The following ST6GALNAC5 variants were observed in gnomAD, a reference collection of about 807,000 sequenced individuals.
ST6GALNAC5 encodes ST6 N-acetylgalactosaminide alpha-2,6-sialyltransferase 5, also known as alpha-N-acetylgalactosaminide alpha-2,6-sialyltransferase 5.
Under a neutral mutation model 33.6 loss-of-function variants are expected in ST6GALNAC5, and 27 were observed. The ratio of observed to expected loss-of-function variants is 0.80; its 90% confidence interval spans 0.59 to 1.11. ST6GALNAC5 has a LOEUF of 1.11. Ranked by LOEUF, ST6GALNAC5 falls within the 50% of genes least tolerant of loss-of-function variation. The pLI, the probability that ST6GALNAC5 is intolerant of heterozygous loss-of-function variation, is 0.00. For missense variants in ST6GALNAC5, 428 were observed against 454.0 expected, an observed-to-expected ratio of 0.94 and a Z score of 0.52; for synonymous variants, 194 against 171.2, an observed-to-expected ratio of 1.13 and a Z score of -1.04.
intron 2 of ST6GALNAC5, among the ~76,000 whole-genome samples, chr1:76,871,055 T>C (rs900280845): frequency 2.0e-5 from 3 of 152,250 alleles, no homozygotes; most frequent in Non-Finnish European, 4.4e-5. Context: ...GTGTAAAATG[T>C]TGTTTATGTT....
chr1:77,016,519 C>T (rs1337060490), intron 2 of ST6GALNAC5, among the ~76,000 whole-genome samples: 1 of 151,696 alleles, frequency 6.6e-6, no homozygotes, highest in Non-Finnish European at 1.5e-5. Flanking sequence ...ACTCAAACAT[C>T]CCCCAACCCC....
intron 2 of ST6GALNAC5, among the ~76,000 whole-genome samples, chr1:76,965,212 A>AC (rs1479374729): frequency 6.7e-4 from 72 of 107,882 alleles, no homozygotes; most frequent in Admixed American, 9.9e-4. Context: ...GAATTAGTTT[A>AC]CCACCCCCCC....
At chr1:76,952,218 A>T (rs183481458) in intron 2 of ST6GALNAC5, among the ~76,000 whole-genome samples, 1 of 152,058 alleles carries the variant, frequency 6.6e-6, no homozygotes, top group Non-Finnish European at 1.5e-5. Context: ...CCAGCTCCCA[A>T]TGAGATATCA....
intron 2 of ST6GALNAC5, among the ~76,000 whole-genome samples, chr1:77,036,217 A>G (rs971507304): frequency 3.3e-5 from 5 of 152,244 alleles, no homozygotes; most frequent in East Asian, 1.9e-4. Flanking sequence ...GAAAAGGCCA[A>G]TCTTTAGAGA....
At chr1:76,948,214 C>T (rs1647599298) in intron 2 of ST6GALNAC5, among the ~76,000 whole-genome samples, 1 of 152,140 alleles carries the variant, frequency 6.6e-6, no homozygotes, top group South Asian at 2.1e-4. Flanking sequence ...CCCACCTTTG[C>T]ATGCATCAGG....
chr1:76,873,673 A>G (rs74089802), intron 2 of ST6GALNAC5, among the ~76,000 whole-genome samples: 5,537 of 152,318 alleles, frequency 0.036, 220 homozygotes, highest in African/African-American at 0.1. Flanking sequence ...AGAGGAGGAA[A>G]TGATTTAAGA....
chr1:76,885,828 G>A (rs1653880474), intron 2 of ST6GALNAC5, among the ~76,000 whole-genome samples: 1 of 152,142 alleles, frequency 6.6e-6, no homozygotes, highest in Non-Finnish European at 1.5e-5. Context: ...GACACAGAAT[G>A]TGTTCAGGCA....
intron 2 of ST6GALNAC5, among the ~76,000 whole-genome samples, chr1:76,980,145 A>G (rs1168189778): frequency 6.6e-6 from 1 of 152,148 alleles, no homozygotes; most frequent in Non-Finnish European, 1.5e-5. Flanking sequence ...TTATTAATAT[A>G]CATGTTTCTA....
chr1:76,931,436 C>T (rs975184694), intron 2 of ST6GALNAC5, among the ~76,000 whole-genome samples: 1 of 152,060 alleles, frequency 6.6e-6, no homozygotes, highest in Non-Finnish European at 1.5e-5. Flanking sequence ...GGCATTTTTA[C>T]TTTCCCAAAT....
Position 77,044,285 on chromosome 1 carries a change from GA to G in ST6GALNAC5, c.344del (p.Asp115AlafsTer9). 6.2e-7 allele frequency: 1 copy of G among 1,613,944 alleles called. No individual in the cohort carries two copies. The highest frequency in any genetic ancestry group is 8.5e-7 in the Non-Finnish European group (1 of 1,180,036). On this transcript the variant is annotated frameshift_variant, in exon 3 of 5. Transcript: ENST00000477717. LOFTEE classifies it high-confidence loss of function. ...LLHSRQGSQI[D>X]QTECVIRMND... Reference sequence around the variant, plus strand: ...GCACAGTCGGCAAGGCTCCCAGATTGACCAGACAGAGTGTGTCATCCGCATG... The same window carrying G: ...GCACAGTCGGCAAGGCTCCCAGATTGCCAGACAGAGTGTGTCATCCGCATG...
chr1:76,897,135 G>C (rs182871086), intron 2 of ST6GALNAC5, among the ~76,000 whole-genome samples: 5,824 of 152,238 alleles, frequency 0.038, 255 homozygotes, highest in African/African-American at 0.11. Flanking sequence ...TGCCTGTGAA[G>C]CTTTGCGGCA....
At chr1:76,896,452 G>C (rs1249542465) in intron 2 of ST6GALNAC5, among the ~76,000 whole-genome samples, 1 of 152,192 alleles carries the variant, frequency 6.6e-6, no homozygotes, top group African/African-American at 2.4e-5. Context: ...AATATGAGAG[G>C]TTCTAAGAGG....
At chr1:76,950,515 T>A (rs951601975) in intron 2 of ST6GALNAC5, among the ~76,000 whole-genome samples, 3 of 152,070 alleles carry the variant, frequency 2.0e-5, no homozygotes, top group Non-Finnish European at 4.4e-5. Context: ...AACTAGTCAC[T>A]ATGATGGAAT....
chr1:76,944,168 A>G (rs1212453361), intron 2 of ST6GALNAC5, among the ~76,000 whole-genome samples: 3 of 152,126 alleles, frequency 2.0e-5, no homozygotes, highest in African/African-American at 7.2e-5. Context: ...CCAGAAACCT[A>G]GAGGAAAATG....
At chr1:77,003,754 T>A (rs1274196909) in intron 2 of ST6GALNAC5, among the ~76,000 whole-genome samples, 3 of 151,474 alleles carry the variant, frequency 2.0e-5, no homozygotes, top group African/African-American at 7.3e-5. Flanking sequence ...CTTATGAAGC[T>A]TAGTTTGGCT....
chr1:76,905,358 GTTC>G (rs1418898359), intron 2 of ST6GALNAC5, among the ~76,000 whole-genome samples: 1 of 152,132 alleles, frequency 6.6e-6, no homozygotes, highest in Admixed American at 6.6e-5. Flanking sequence ...CTGTCCAGCT[GTTC>G]TTCTTAACGT....
chr1:76,914,719 A>G (rs1570668014), intron 2 of ST6GALNAC5, among the ~76,000 whole-genome samples: 1 of 152,126 alleles, frequency 6.6e-6, no homozygotes, highest in African/African-American at 2.4e-5. Context: ...TAAATGTTAG[A>G]CCTAAAACCA....
At chr1:76,959,417 C>A (rs1218409123) in intron 2 of ST6GALNAC5, among the ~76,000 whole-genome samples, 2 of 152,038 alleles carry the variant, frequency 1.3e-5, no homozygotes, top group Non-Finnish European at 2.9e-5. Context: ...TGGAATTATT[C>A]TTTGCTTTGG....
chr1:76,895,806 C>G (rs1027987220), intron 2 of ST6GALNAC5, among the ~76,000 whole-genome samples: 3 of 152,096 alleles, frequency 2.0e-5, no homozygotes, highest in African/African-American at 7.2e-5. Flanking sequence ...TTTGGGGGCA[C>G]AGTCTAAGTT....
Sources: allele counts gnomAD v4.1 joint callset (sites outside exome capture counted in the v4.1 genomes callset), GRCh38; gene constraint gnomAD v4.1.1; transcripts MANE v1.5; gene names NCBI Gene and HGNC (gene_info 2026-07-23, HGNC 2026-07-21).